ARB2A: variants seen among roughly 807,000 people sequenced by gnomAD.
ARB2A encodes the protein ARB2 cotranscriptional regulator A, also known as cotranscriptional regulator ARB2A.
chr5:93,864,741 T>G, the ARB2A span, among the ~76,000 whole-genome samples: 1 of 152,312 alleles, frequency 6.6e-6, no homozygotes, highest in East Asian at 1.9e-4. Flanking sequence ...TTATTACTAA[T>G]GATATATCAC....
chr5:93,854,274 G>A, the ARB2A span, among the ~76,000 whole-genome samples: 2 of 152,182 alleles, frequency 1.3e-5, no homozygotes, highest in South Asian at 4.1e-4. Flanking sequence ...TCTGATGGTA[G>A]TTTGTATTTC....
At chr5:93,761,995 A>T in the ARB2A span, among the ~76,000 whole-genome samples, 3 of 152,174 alleles carry the variant, frequency 2.0e-5, no homozygotes, top group Non-Finnish European at 4.4e-5. Flanking sequence ...GAGGGTCCTT[A>T]CTGTTAGAAG....
chr5:93,953,865 C>T, the ARB2A span, among the ~76,000 whole-genome samples: 1 of 152,106 alleles, frequency 6.6e-6, no homozygotes. Flanking sequence ...CCCACTCTCC[C>T]CTCCCCTTTC....
chr5:93,779,809 C>T, the ARB2A span, among the ~76,000 whole-genome samples: 2 of 152,042 alleles, frequency 1.3e-5, no homozygotes, highest in African/African-American at 2.4e-5. Context: ...AATGATGATC[C>T]TATAGATTTT....
the ARB2A span, among the ~76,000 whole-genome samples, chr5:93,677,619 G>A: frequency 6.6e-6 from 1 of 152,184 alleles, no homozygotes; most frequent in Non-Finnish European, 1.5e-5. Context: ...TCAGGGACTA[G>A]CCTGGACAAA....
the ARB2A span, chr5:93,683,295 G>C: frequency 6.2e-7 from 1 of 1,602,982 alleles, no homozygotes; most frequent in Non-Finnish European, 8.5e-7. Flanking sequence ...GGGGCAGACC[G>C]CTTTCCAGAT....
chr5:93,742,749 G>A, the ARB2A span, among the ~76,000 whole-genome samples: 1 of 152,086 alleles, frequency 6.6e-6, no homozygotes, highest in African/African-American at 2.4e-5. Context: ...TGCTGTATCT[G>A]GCTATAGTGA....
chr5:94,030,019 T>A, the ARB2A span, among the ~76,000 whole-genome samples: 1 of 152,080 alleles, frequency 6.6e-6, no homozygotes, highest in Non-Finnish European at 1.5e-5. Flanking sequence ...GGGAAACTCC[T>A]CTTTATAAAA....
the ARB2A span, among the ~76,000 whole-genome samples, chr5:93,897,462 T>C: frequency 6.6e-6 from 1 of 151,946 alleles, no homozygotes; most frequent in Non-Finnish European, 1.5e-5. Flanking sequence ...CTTCTACCTC[T>C]TTCCCTGTTA....
At chr5:93,733,474 C>G in the ARB2A span, 1 of 152,100 alleles carries the variant, frequency 6.6e-6, no homozygotes, top group Non-Finnish European at 1.5e-5. Flanking sequence ...GCTGGGATTA[C>G]AGGAGTGAGC....
At chr5:93,688,255 T>A in the ARB2A span, among the ~76,000 whole-genome samples, 4 of 152,234 alleles carry the variant, frequency 2.6e-5, no homozygotes, top group Non-Finnish European at 1.5e-5. Context: ...ATTACAGGCG[T>A]AAGCCACCGC....
At chr5:93,680,063 C>G in the ARB2A span, among the ~76,000 whole-genome samples, 43 of 152,126 alleles carry the variant, frequency 2.8e-4, no homozygotes, top group Middle Eastern at 3.4e-3. Context: ...ACAACTGGAG[C>G]TTTCACATTT....
the ARB2A span, among the ~76,000 whole-genome samples, chr5:94,054,233 G>A: frequency 6.6e-6 from 1 of 152,010 alleles, no homozygotes; most frequent in Non-Finnish European, 1.5e-5. Context: ...TAAAGCCCAG[G>A]CATTATTCAT....
the ARB2A span, among the ~76,000 whole-genome samples, chr5:93,822,644 A>G: frequency 6.6e-6 from 1 of 152,130 alleles, no homozygotes; most frequent in South Asian, 2.1e-4. Flanking sequence ...ATATATATCT[A>G]TATAGCTATA....
chr5:94,051,728 A>G, the ARB2A span, among the ~76,000 whole-genome samples: 1 of 152,260 alleles, frequency 6.6e-6, no homozygotes, highest in Admixed American at 6.5e-5. Flanking sequence ...TTCTGCAGAG[A>G]AACATTCCTC....
the ARB2A span, among the ~76,000 whole-genome samples, chr5:93,903,709 C>CTGTG: frequency 0.036 from 5,136 of 144,404 alleles, 124 homozygotes; most frequent in East Asian, 0.13. Context: ...TTCTATATAT[C>CTGTG]TGTGTGTGTG....
the ARB2A span, among the ~76,000 whole-genome samples, chr5:94,101,409 AG>A: frequency 6.6e-6 from 1 of 152,190 alleles, no homozygotes; most frequent in Admixed American, 6.5e-5. Context: ...AACTAAAAGC[AG>A]GGCTACCATT....
chr5:94,006,429 T>C, the ARB2A span, among the ~76,000 whole-genome samples: 2 of 152,178 alleles, frequency 1.3e-5, no homozygotes, highest in Non-Finnish European at 2.9e-5. Flanking sequence ...TAAGAGATCC[T>C]TGTGATGATG....
At chr5:93,944,878 G>A in the ARB2A span, among the ~76,000 whole-genome samples, 1 of 152,048 alleles carries the variant, frequency 6.6e-6, no homozygotes, top group Non-Finnish European at 1.5e-5. Context: ...TCAAACTTAA[G>A]TGCCTCCAGA....
Sources: gnomAD v4.1 joint callset for allele counts (sites outside exome capture counted in the v4.1 genomes callset) on GRCh38, gnomAD v4.1.1 for gene constraint, MANE v1.5 for transcripts, NCBI Gene and HGNC (gene_info 2026-07-23, HGNC 2026-07-21) for gene names.